The following SLC19A2 variants were observed in gnomAD, a reference collection of about 807,000 sequenced individuals.
The protein encoded by SLC19A2 is thiamine transporter 1.
SLC19A2 carries 27 observed loss-of-function variants against 44.7 expected under a neutral mutation model. The observed-to-expected ratio is 0.60, with a 90% confidence interval of 0.45 to 0.83. SLC19A2 has a LOEUF of 0.83. Ranked by LOEUF, SLC19A2 falls within the 40% of genes least tolerant of loss-of-function variation. SLC19A2 has a pLI of 0.00. For synonymous variants in SLC19A2, 239 were observed against 243.6 expected, an observed-to-expected ratio of 0.98 and a Z score of 0.18; for missense variants, 566 against 613.7, an observed-to-expected ratio of 0.92 and a Z score of 0.82.
intron 1 of SLC19A2, 78 bp from the exon 2 acceptor site, chr1:169,477,835 T>C: frequency 2.8e-6 from 4 of 1,435,982 alleles, no homozygotes; most frequent in Admixed American, 2.3e-5. Context: ...AATTTATTCA[T>C]AAAAAACAAC....
At position 169,470,064 on chromosome 1, in the gene SLC19A2, A is replaced by G; in HGVS notation, c.930T>C (p.Phe310=). Residue 310 remains phenylalanine, a synonymous_variant, in exon 3 of 6, where the codon TTT becomes TTC. Transcript: ENST00000236137. ...GGCCCTGTGTGTAGTTCACAACTTGAAAATAGCCACAGGTAGAGAGGGCCC... is the reference window on the plus strand; with the variant it reads ...GGCCCTGTGTGTAGTTCACAACTTGGAAATAGCCACAGGTAGAGAGGGCCC... ...VWWALSTCGY[F]QVVNYTQGLW... The G allele has an allele frequency of 6.2e-7, 1 of 1,614,044 alleles. No individual in the cohort carries two copies. Among genetic ancestry groups the G allele is most frequent in the Non-Finnish European group, 8.5e-7 (1 of 1,179,964 alleles).
chr1:169,471,462 TCC>T (rs1658175979), intron 2 of SLC19A2, among the ~76,000 whole-genome samples: 1 of 109,500 alleles, frequency 9.1e-6, no homozygotes, highest in African/African-American at 3.5e-5. Flanking sequence ...AGATCCCGTC[TCC>T]ACACACACAC....
intron 1 of SLC19A2, among the ~76,000 whole-genome samples, chr1:169,478,108 T>C (rs1225665220): frequency 6.6e-6 from 1 of 152,112 alleles, no homozygotes; most frequent in African/African-American, 2.4e-5. Flanking sequence ...GGTTTCACCA[T>C]GTTGGCCAGG....
At chr1:169,480,474 G>A (rs1260425087) in intron 1 of SLC19A2, among the ~76,000 whole-genome samples, 1 of 151,808 alleles carries the variant, frequency 6.6e-6, no homozygotes, top group African/African-American at 2.4e-5. Flanking sequence ...CACCATGCCG[G>A]GCCAATTTTT....
intron 2 of SLC19A2, among the ~76,000 whole-genome samples, chr1:169,474,644 C>T (rs938782097): frequency 6.6e-6 from 1 of 152,102 alleles, no homozygotes; most frequent in Non-Finnish European, 1.5e-5. Context: ...ATAAAACCAC[C>T]TACCTACCTA....
At chr1:169,482,332 G>T (rs147020953) in intron 1 of SLC19A2, among the ~76,000 whole-genome samples, 2 of 152,146 alleles carry the variant, frequency 1.3e-5, no homozygotes, top group East Asian at 3.9e-4. Context: ...TTGAGGCCAG[G>T]GGTTCAAAAC....
At position 169,465,584 on chromosome 1, in the gene SLC19A2, G is replaced by T; in HGVS notation, c.*265C>A. The T allele has an allele frequency of 2.2e-6, 1 of 449,012 alleles. No homozygotes were observed. The highest frequency in any genetic ancestry group is 4.1e-6 in the Non-Finnish European group (1 of 244,190). The allele number at this position is 449,012 out of a possible 1,614,324, so 27.8% of individuals were successfully genotyped here. A position where few individuals can be genotyped will look rare whatever the true frequency, so the allele number is the denominator to read the frequency against. ...GTGCTGCTTTGATTGCTCTTGACTG[G>T]TTTTTAAAATCAAGTTCACTTTTGA... On this transcript the variant is annotated 3_prime_UTR_variant, in exon 6 of 6. Coordinates refer to ENST00000236137, the MANE Select transcript of SLC19A2 (RefSeq NM_006996.3).
chr1:169,475,363 A>G (rs1462040611), intron 2 of SLC19A2, among the ~76,000 whole-genome samples: 1 of 152,188 alleles, frequency 6.6e-6, no homozygotes, highest in Non-Finnish European at 1.5e-5. Context: ...TAAAATATAT[A>G]CATACCTATG....
chr1:169,474,704 G>T (rs1203871148), intron 2 of SLC19A2, among the ~76,000 whole-genome samples: 1 of 151,988 alleles, frequency 6.6e-6, no homozygotes, highest in Non-Finnish European at 1.5e-5. Flanking sequence ...TATAGGTCTT[G>T]TCAACTTAAA....
intron 1 of SLC19A2, among the ~76,000 whole-genome samples, chr1:169,478,335 C>A (rs1330673181): frequency 6.6e-6 from 1 of 151,352 alleles, no homozygotes; most frequent in Non-Finnish European, 1.5e-5. Context: ...AACATTCAAA[C>A]CCTTTTTTTT....
chr1:169,466,633 T>C (rs1018505539), intron 5 of SLC19A2, among the ~76,000 whole-genome samples: 1 of 151,920 alleles, frequency 6.6e-6, no homozygotes, highest in African/African-American at 2.4e-5. Context: ...ATCATCTAGG[T>C]TTTAAGCCCT....
chr1:169,466,325 T>C (rs1657991491), intron 5 of SLC19A2, among the ~76,000 whole-genome samples: 3 of 152,138 alleles, frequency 2.0e-5, no homozygotes, highest in South Asian at 2.1e-4. Context: ...ACAATGCTAA[T>C]GCTGTTAGTA....
chr1:169,477,091 G>GC, intron 2 of SLC19A2, 64 bp downstream of exon 2: 1 of 1,597,470 alleles, frequency 6.3e-7, no homozygotes, highest in Non-Finnish European at 8.6e-7. Context: ...GGAGTTTGCT[G>GC]TTTTTTTCAC....
chr1:169,467,044 A>G (rs1658010848), intron 5 of SLC19A2, among the ~76,000 whole-genome samples: 4 of 152,156 alleles, frequency 2.6e-5, no homozygotes, highest in Admixed American at 2.0e-4. Context: ...ATAAAATCCT[A>G]TTATTCCACG....
In SLC19A2 at chr1:169,463,931, T is replaced by C. The variant is rs1382750853; in HGVS notation, c.*1918A>G. 1.3e-5 allele frequency: 2 copies of C among 151,702 alleles called. No homozygotes were observed. The highest frequency in any genetic ancestry group is 2.9e-5 in the Non-Finnish European group (2 of 67,892). 9.4% of individuals were successfully genotyped at this position (151,702 alleles called of 1,614,324 possible). ...CAATTTTGATTAAAAAGAGAAAATA[T>C]ACTGTAAAATATTTATTTAATAAAA... On this transcript the variant is annotated 3_prime_UTR_variant, in exon 6 of 6. Coordinates refer to ENST00000236137, the MANE Select transcript of SLC19A2 (RefSeq NM_006996.3).
chr1:169,467,309 G>A (rs560813866), intron 5 of SLC19A2, among the ~76,000 whole-genome samples: 64 of 152,284 alleles, frequency 4.2e-4, no homozygotes, highest in African/African-American at 1.4e-3. Flanking sequence ...TCTTCTTCAT[G>A]TCTAATACAG....
At chr1:169,479,009 C>T (rs1233053636) in intron 1 of SLC19A2, among the ~76,000 whole-genome samples, 1 of 152,152 alleles carries the variant, frequency 6.6e-6, no homozygotes, top group Non-Finnish European at 1.5e-5. Context: ...TTGAGAACAA[C>T]TGCCTTATAG....
Position 169,477,777 on chromosome 1 carries a change from A to G in SLC19A2, c.205-20T>C. The G allele has an allele frequency of 6.3e-7, 1 of 1,589,704 alleles. No individual in the cohort carries two copies. Among genetic ancestry groups the G allele is most frequent in the Non-Finnish European group, 8.6e-7 (1 of 1,167,552 alleles). ...GAAGACCTGGTAGAAAGAGAAAAAA[A>G]AAAAACAAAAAACATTAGTGATGAA... is the stretch of plus-strand genomic sequence containing the variant. On this transcript the variant is annotated intron_variant, in intron 1 of 5. Transcript: ENST00000236137.
At chr1:169,479,565 T>C (rs1215031593) in intron 1 of SLC19A2, among the ~76,000 whole-genome samples, 3 of 152,230 alleles carry the variant, frequency 2.0e-5, no homozygotes, top group African/African-American at 7.2e-5. Context: ...TGTAAATTAC[T>C]TACTCCACCT....
Sources: allele counts gnomAD v4.1 joint callset (sites outside exome capture counted in the v4.1 genomes callset), GRCh38; gene constraint gnomAD v4.1.1; transcripts MANE v1.5; gene names NCBI Gene and HGNC (gene_info 2026-07-23, HGNC 2026-07-21).